Variants in ATP9B observed in about 807,000 individuals in gnomAD.
The protein encoded by ATP9B is ATPase phospholipid transporting 9B.
In ATP9B, 110 loss-of-function variants were observed where a neutral mutation model predicts 146.1. That is an observed-to-expected ratio of 0.75 (90% CI 0.65 to 0.88). The LOEUF is 0.88. ATP9B is among the 40% of genes least tolerant of loss of function. The pLI is 0.00. For synonymous variants in ATP9B, 604 were observed against 569.7 expected (o/e 1.06, Z -0.86); for missense variants, 1,499 against 1,496.4 (o/e 1.00, Z -0.03).
intron 17 of ATP9B, among the ~76,000 whole-genome samples, chr18:79,336,138 C>T (rs868085462): frequency 2.7e-3 from 391 of 143,100 alleles, no homozygotes; most frequent in Non-Finnish European, 4.0e-3. Context: ...TCCCCTCGCC[C>T]GTCCCCAGCA....
chr18:79,364,474 AAGG>A (rs1423584768), intron 26 of ATP9B, among the ~76,000 whole-genome samples: 1 of 152,136 alleles, frequency 6.6e-6, no homozygotes, highest in Non-Finnish European at 1.5e-5. Context: ...AGGAAATCAG[AAGG>A]AGAAGAGTTG....
Position 79,373,942 on chromosome 18 carries a change from T to C in ATP9B, c.3115T>C (p.Phe1039Leu), listed in dbSNP as rs373266748. Residue 1039 changes from phenylalanine to leucine, a missense_variant, in exon 28 of 30, where the codon TTC becomes CTC. Physicochemically the swap from Phe to Leu is conservative, Grantham distance 22 (BLOSUM62 0). Coordinates refer to ENST00000426216, the MANE Select transcript of ATP9B (RefSeq NM_198531.5). ...GGCCCTGGTGCTCTTCGAGTCTGAG[T>C]TCGTCCACGTGGTGGCCATCTCCTT... is the stretch of plus-strand genomic sequence containing the variant. ...YGALVLFESE[F>L]VHVVAISFTA... is the part of the protein sequence containing the mutation. 3 of 1,613,446 alleles carry C rather than the reference T, an allele frequency of 1.9e-6. No homozygotes were observed. In the African/African-American group the frequency reaches 4.0e-5, roughly 22 times the overall value.
intron 11 of ATP9B, among the ~76,000 whole-genome samples, chr18:79,234,280 T>C (rs908262416): frequency 6.6e-6 from 1 of 152,258 alleles, no homozygotes; most frequent in Non-Finnish European, 1.5e-5. Context: ...GAAAAACTTC[T>C]GGATTTAACA....
rs145425860 is a variant in ATP9B, at chr18:79,307,447, C to T, written c.1773+213C>T. Reference sequence around the variant, plus strand: ...TGCACATGCAAATGTGCGGCCGCCACATCTCGGCACATCCCAGAACACCCA... The same window carrying T: ...TGCACATGCAAATGTGCGGCCGCCATATCTCGGCACATCCCAGAACACCCA... On this transcript the variant is annotated intron_variant, in intron 15 of 29. Transcript: ENST00000426216. 4.4e-3 allele frequency: 2,743 copies of T among 618,904 alleles called. 30 individuals are homozygous for T. Among genetic ancestry groups the T allele is most frequent in the African/African-American group, 0.021 (1,126 of 54,260 alleles). The allele number at this position is 618,904 out of a possible 1,614,324, so 38.3% of individuals were successfully genotyped here. A position where few individuals can be genotyped will look rare whatever the true frequency, so the allele number is the denominator to read the frequency against.
chr18:79,282,545 C>T (rs989530762), intron 13 of ATP9B, among the ~76,000 whole-genome samples: 5 of 152,144 alleles, frequency 3.3e-5, no homozygotes, highest in Admixed American at 2.6e-4. Context: ...ATTGTTAGCA[C>T]GTTTTAAAAA....
In ATP9B at chr18:79,337,360, A is replaced by T. The variant is rs585033; in HGVS notation, c.2194A>T (p.Met732Leu). ...GGTAGTCGAGAGCCTGGAGAGGGAG[A>T]TGGAACTGCTGTGCCTCACCGGCGT... ...AAVVESLERE[M>L]ELLCLTGVED... is the part of the protein sequence containing the mutation. Residue 732 changes from methionine (M) to leucine (L), a missense_variant, in exon 19 of 30, where the codon ATG becomes TTG. Transcript: ENST00000426216. 128,563 of 1,614,066 alleles carry T rather than the reference A, an allele frequency of 0.08. 5,939 individuals are homozygous for T. The highest frequency in any genetic ancestry group is 0.094 in the Non-Finnish European group (110,774 of 1,180,032).
Position 79,279,216 on chromosome 18 carries a change from G to GT in ATP9B, c.1411+2021dup, listed in dbSNP as rs2096349733. On this transcript the variant is annotated intron_variant, in intron 13 of 29. Coordinates refer to ENST00000426216, the MANE Select transcript of ATP9B (RefSeq NM_198531.5). ...GGGGAGAAGCACTCATGCGCCCCCT[G>GT]TGAGGGCTGCTTTCCCAACGTGGAG... Among the ~76,000 whole-genome samples, 3 of 152,144 alleles carry GT rather than the reference G, an allele frequency of 2.0e-5. No homozygotes were observed. The East Asian group carries it at 5.8e-4, about 29-fold the overall frequency.
Position 79,154,445 on chromosome 18 carries a change from A to G in ATP9B, c.727-59A>G. 6.7e-6 allele frequency: 8 copies of G among 1,186,110 alleles called. 1 individual carries two copies. The highest frequency in any genetic ancestry group is 9.4e-6 in the Non-Finnish European group (8 of 849,410). 73.5% of individuals were successfully genotyped at this position (1,186,110 alleles called of 1,614,324 possible). ...ATAGGTATTTCTTATTTGGAATGGA[A>G]TTGTGTTAATTTGTAAACCTGCATA... is the stretch of plus-strand genomic sequence containing the variant. On this transcript the variant is annotated intron_variant, in intron 6 of 29. Transcript: ENST00000426216.
chr18:79,181,262 T>C (rs2095249307), intron 8 of ATP9B, among the ~76,000 whole-genome samples: 1 of 152,206 alleles, frequency 6.6e-6, no homozygotes, highest in South Asian at 2.1e-4. Flanking sequence ...CCTTTTTCTG[T>C]GGGCGTTTGG....
intron 13 of ATP9B, among the ~76,000 whole-genome samples, chr18:79,284,628 T>A (rs1006395801): frequency 5.9e-5 from 9 of 152,114 alleles, no homozygotes; most frequent in Admixed American, 5.9e-4. Context: ...TTAATTTTTT[T>A]ATTATTATTA....
chr18:79,246,549 G>T (rs945901598), intron 11 of ATP9B, among the ~76,000 whole-genome samples: 1 of 152,208 alleles, frequency 6.6e-6, no homozygotes, highest in Admixed American at 6.5e-5. Flanking sequence ...AGCATTCTGC[G>T]TGACAAAACA....
At chr18:79,340,704 C>T (rs1432891273) in intron 19 of ATP9B, among the ~76,000 whole-genome samples, 1 of 152,124 alleles carries the variant, frequency 6.6e-6, no homozygotes, top group East Asian at 1.9e-4. Flanking sequence ...ATATTTTACT[C>T]TATCGTCTAG....
intron 13 of ATP9B, among the ~76,000 whole-genome samples, chr18:79,293,702 A>G (rs1372393288): frequency 6.6e-6 from 1 of 152,240 alleles, no homozygotes; most frequent in Non-Finnish European, 1.5e-5. Context: ...AAAATGGACT[A>G]AGACAGTTCT....
At chr18:79,205,350 C>G (rs1490947621) in intron 9 of ATP9B, among the ~76,000 whole-genome samples, 4 of 152,164 alleles carry the variant, frequency 2.6e-5, no homozygotes, top group Non-Finnish European at 5.9e-5. Context: ...GCAAAACGGC[C>G]AAAATTACAT....
chr18:79,186,785 G>C (rs1350559174), intron 8 of ATP9B, among the ~76,000 whole-genome samples: 1 of 152,180 alleles, frequency 6.6e-6, no homozygotes, highest in African/African-American at 2.4e-5. Context: ...TCAACCTTCA[G>C]TCCACCCTTC....
intron 9 of ATP9B, among the ~76,000 whole-genome samples, chr18:79,200,902 T>C (rs895437137): frequency 6.6e-6 from 1 of 152,190 alleles, no homozygotes; most frequent in African/African-American, 2.4e-5. Context: ...TAGGAGCTGG[T>C]GCTGGCTGTT....
At position 79,307,351 on chromosome 18, in the gene ATP9B, G is replaced by A. The variant is rs1042788004; in HGVS notation, c.1773+117G>A. ...AGGAGCAGTTTATCGTAGCTTTAATGTATGTTTTAGCTGTATGTGGAAAAC... is the reference window on the plus strand; with the variant it reads ...AGGAGCAGTTTATCGTAGCTTTAATATATGTTTTAGCTGTATGTGGAAAAC... On this transcript the variant is annotated intron_variant, in intron 15 of 29. Transcript: ENST00000426216. The A allele has an allele frequency of 7.6e-6, 11 of 1,441,880 alleles. No homozygotes were observed. The African/African-American group carries it at 1.4e-4, about 19-fold the overall frequency. 89.3% of individuals were successfully genotyped at this position (1,441,880 alleles called of 1,614,324 possible).
Position 79,271,827 on chromosome 18 carries a change from A to G in ATP9B, c.1269-5227A>G, listed in dbSNP as rs1387150630. The stretch of plus-strand genomic sequence containing the variant: ...AGGAATCACCACACTGACTTCCACA[A>G]TGGTTGAACTAGTTTACAGTCCCAC... On this transcript the variant is annotated intron_variant, in intron 12 of 29. Transcript: ENST00000426216. Among the ~76,000 whole-genome samples, 18 of 152,228 alleles carry G rather than the reference A, an allele frequency of 1.2e-4. 1 individual carries two copies. Among genetic ancestry groups the G allele is most frequent in the East Asian group, 1.2e-3 (6 of 5,180 alleles).
chr18:79,257,480 A>G lies in ATP9B; in HGVS notation c.1268+3939A>G, dbSNP rs368335890. On this transcript the variant is annotated intron_variant, in intron 12 of 29. Coordinates refer to ENST00000426216, the MANE Select transcript of ATP9B (RefSeq NM_198531.5). Reference sequence around the variant, plus strand: ...TTAAACGAAACAGTTACATAGTGGTAAACACTGTTAGTAAAGTCAAACCGG... The same window carrying G: ...TTAAACGAAACAGTTACATAGTGGTGAACACTGTTAGTAAAGTCAAACCGG... 2.6e-4 allele frequency among the ~76,000 whole-genome samples: 39 copies of G among 152,358 alleles called. No individual in the cohort carries two copies. In the East Asian group the frequency reaches 4.8e-3, roughly 19 times the overall value.
Sources: gnomAD v4.1 joint callset for allele counts (sites outside exome capture counted in the v4.1 genomes callset) on GRCh38, gnomAD v4.1.1 for gene constraint, MANE v1.5 for transcripts, NCBI Gene and HGNC (gene_info 2026-07-23, HGNC 2026-07-21) for gene names.